The following SGCZ variants were observed in gnomAD, a reference collection of about 807,000 sequenced individuals.
SGCZ encodes sarcoglycan zeta, also known as zeta-sarcoglycan.
Under a neutral mutation model 41.3 loss-of-function variants are expected in SGCZ, and 40 were observed. The observed-to-expected ratio is 0.97, with a 90% CI of 0.75 to 1.26. The LOEUF is 1.26. SGCZ is among the 50% of genes most tolerant of loss of function. SGCZ has a pLI of 0.00. For synonymous variants in SGCZ, 206 were observed against 137.5 expected (o/e 1.50, Z -3.49); for missense variants, 552 against 369.8 (o/e 1.49, Z -4.04).
intron 1 of SGCZ, among the ~76,000 whole-genome samples, chr8:15,099,674 T>C (rs1806527365): frequency 6.6e-6 from 1 of 151,916 alleles, no homozygotes; most frequent in South Asian, 2.1e-4. Context: ...AAAGAGAAAA[T>C]TACACCAATA....
At chr8:14,400,144 C>G (rs1333663234) in intron 2 of SGCZ, among the ~76,000 whole-genome samples, 2 of 152,048 alleles carry the variant, frequency 1.3e-5, no homozygotes, top group African/African-American at 4.8e-5. Flanking sequence ...TAGCTTCTTT[C>G]ACTTGGCTAT....
chr8:14,370,764 T>C (rs1342132737), intron 2 of SGCZ, among the ~76,000 whole-genome samples: 1 of 151,960 alleles, frequency 6.6e-6, no homozygotes, highest in Non-Finnish European at 1.5e-5. Flanking sequence ...GGTTAGCATA[T>C]ATTATCCACT....
intron 1 of SGCZ, among the ~76,000 whole-genome samples, chr8:15,170,392 C>T (rs538057377): frequency 1.3e-5 from 2 of 152,180 alleles, no homozygotes; most frequent in East Asian, 1.9e-4. Flanking sequence ...AGCACAATTT[C>T]CCAGCCTTGA....
intron 1 of SGCZ, among the ~76,000 whole-genome samples, chr8:14,559,064 T>A (rs2117201947): frequency 6.6e-6 from 1 of 152,158 alleles, no homozygotes; most frequent in East Asian, 1.9e-4. Context: ...CTCTGAGAAC[T>A]GGAACAAGAT....
chr8:14,201,605 C>A (rs1410176752), intron 4 of SGCZ, among the ~76,000 whole-genome samples: 2 of 152,096 alleles, frequency 1.3e-5, no homozygotes, highest in Admixed American at 6.5e-5. Flanking sequence ...AACCGTAGAT[C>A]TAGAAATTGA....
chr8:14,926,279 T>C (rs2130798431), intron 1 of SGCZ, among the ~76,000 whole-genome samples: 1 of 152,266 alleles, frequency 6.6e-6, no homozygotes, highest in South Asian at 2.1e-4. Context: ...TAATAAAAGA[T>C]CATCGAAAAA....
intron 1 of SGCZ, among the ~76,000 whole-genome samples, chr8:14,929,991 T>G (rs989948092): frequency 6.6e-6 from 1 of 152,054 alleles, no homozygotes; most frequent in African/African-American, 2.4e-5. Flanking sequence ...ATAATCAAGA[T>G]AAATCCTGAC....
intron 1 of SGCZ, among the ~76,000 whole-genome samples, chr8:15,128,216 G>C (rs1204233720): frequency 6.6e-6 from 1 of 152,070 alleles, no homozygotes; most frequent in Non-Finnish European, 1.5e-5. Flanking sequence ...TATTTTCAGT[G>C]CTCTCCCACA....
chr8:14,148,679 A>G (rs1803602554), intron 5 of SGCZ, among the ~76,000 whole-genome samples: 1 of 152,146 alleles, frequency 6.6e-6, no homozygotes, highest in African/African-American at 2.4e-5. Flanking sequence ...ATACTTCCAA[A>G]CTCATTCTAT....
At chr8:15,083,853 G>A (rs1805852186) in intron 1 of SGCZ, among the ~76,000 whole-genome samples, 1 of 152,050 alleles carries the variant, frequency 6.6e-6, no homozygotes, top group Non-Finnish European at 1.5e-5. Context: ...CTCATTGCTG[G>A]GGTTACAGGT....
intron 1 of SGCZ, among the ~76,000 whole-genome samples, chr8:14,920,369 G>A (rs1260536148): frequency 1.3e-5 from 2 of 152,184 alleles, no homozygotes; most frequent in African/African-American, 4.8e-5. Context: ...TACAAAGAAA[G>A]CTAGACAACC....
intron 1 of SGCZ, among the ~76,000 whole-genome samples, chr8:14,821,232 A>G (rs1802070982): frequency 6.6e-6 from 1 of 152,066 alleles, no homozygotes. Context: ...AATCAGTTAC[A>G]TTCCTAGACA....
intron 1 of SGCZ, among the ~76,000 whole-genome samples, chr8:14,841,111 CAA>C (rs138084107): frequency 6.8e-6 from 1 of 146,980 alleles, no homozygotes; most frequent in Non-Finnish European, 1.5e-5. Flanking sequence ...TTGAGAAGAA[CAA>C]AAAAAAAATC....
chr8:14,685,692 T>A (rs1185410643), intron 1 of SGCZ, among the ~76,000 whole-genome samples: 2 of 152,136 alleles, frequency 1.3e-5, no homozygotes, highest in Non-Finnish European at 2.9e-5. Context: ...ACACCAATAT[T>A]GGTATCTATT....
chr8:14,602,068 C>T (rs936201137), intron 1 of SGCZ, among the ~76,000 whole-genome samples: 4 of 151,778 alleles, frequency 2.6e-5, no homozygotes, highest in Non-Finnish European at 5.9e-5. Flanking sequence ...TGCAGTGAGC[C>T]GAGATTGCGC....
At chr8:14,940,149 G>C (rs1800222424) in intron 1 of SGCZ, among the ~76,000 whole-genome samples, 1 of 152,048 alleles carries the variant, frequency 6.6e-6, no homozygotes, top group African/African-American at 2.4e-5. Flanking sequence ...ATAATCAAAA[G>C]CCAAAATAGC....
chr8:14,241,619 A>G (rs1254166045), intron 3 of SGCZ, among the ~76,000 whole-genome samples: 1 of 151,804 alleles, frequency 6.6e-6, no homozygotes, highest in Non-Finnish European at 1.5e-5. Context: ...CTCCTATAAC[A>G]GAAATAAGGT....
chr8:14,277,849 C>T (rs1389680239), intron 3 of SGCZ, among the ~76,000 whole-genome samples: 1 of 151,986 alleles, frequency 6.6e-6, no homozygotes, highest in Non-Finnish European at 1.5e-5. Context: ...TTAAAATCCC[C>T]CCTTTAGGAA....
intron 2 of SGCZ, among the ~76,000 whole-genome samples, chr8:14,391,240 T>G (rs1170770145): frequency 6.6e-6 from 1 of 152,172 alleles, no homozygotes; most frequent in African/African-American, 2.4e-5. Context: ...TGAAAACATT[T>G]ATTCCCAAAT....
Sources: gnomAD v4.1 joint callset for allele counts (sites outside exome capture counted in the v4.1 genomes callset) on GRCh38, gnomAD v4.1.1 for gene constraint, MANE v1.5 for transcripts, NCBI Gene and HGNC (gene_info 2026-07-23, HGNC 2026-07-21) for gene names.